Variants in TTN observed in about 807,000 individuals in gnomAD.
TTN encodes the protein connectin.
In TTN, 1,525 loss-of-function variants were observed where a neutral mutation model predicts 3,223.0. That is an observed-to-expected ratio of 0.47 (90% CI 0.45 to 0.49). The LOEUF (loss-of-function observed/expected upper bound fraction) is 0.49, where lower values mean the gene tolerates loss of function less well. Among genes scored for constraint, TTN ranks in the 20% least tolerant of loss-of-function variants. The pLI, the probability that TTN is intolerant of heterozygous loss-of-function variation, is 0.00. For missense variants in TTN, 40,786 were observed against 43,424.0 expected (o/e 0.94, Z 5.40); for synonymous variants, 14,094 against 15,161.0 (o/e 0.93, Z 5.17).
chr2:178,530,104 C>T lies in TTN; in HGVS notation c.106387G>A (p.Gly35463Arg), dbSNP rs1474079403. 1.1e-5 allele frequency: 17 copies of T among 1,601,434 alleles called. No individual in the cohort carries two copies. The highest frequency in any genetic ancestry group is 1.4e-5 in the Non-Finnish European group (16 of 1,176,840). The change falls in exon 359 of 363, where the codon GGA becomes AGA. Residue 35463 changes from glycine to arginine, a missense_variant. Gly to Arg is a moderately radical substitution (Grantham distance 125, BLOSUM62 -2). Transcript: ENST00000589042. Reference protein sequence around the residue: ...WTKDGKAITQGGKYKLSEDKG... With the variant: ...WTKDGKAITQRGKYKLSEDKG... ...TCTTCAGAGAGTTTATATTTACCTC[C>T]TTGTGTAATGGCCTGTAGAATGCAA...
Position 178,724,447 on chromosome 2 carries a change from T to C in TTN, c.20928A>G (p.Glu6976=). The C allele has an allele frequency of 6.2e-7, 1 of 1,613,376 alleles. No homozygotes were observed. The highest frequency in any genetic ancestry group is 8.5e-7 in the Non-Finnish European group (1 of 1,179,522). ...TLECKVAGTP[E]LSVEWYKDGK... Reference sequence around the variant, plus strand: ...CATCCTTGTACCATTCAACAGAGAGTTCCGGAGTGCCAGCCACCTTACACT... The same window carrying C: ...CATCCTTGTACCATTCAACAGAGAGCTCCGGAGTGCCAGCCACCTTACACT... Residue 6976 remains glutamate, a synonymous_variant, in exon 72 of 363, where the codon GAA becomes GAG. Transcript: ENST00000589042.
chr2:178,593,128 A>G (rs146058951), intron 299 of TTN, 45 bp from the exon 300 acceptor site: 4 of 1,609,978 alleles, frequency 2.5e-6, no homozygotes, highest in African/African-American at 1.3e-5. Flanking sequence ...AGCTGAAAAC[A>G]AAGTTAGATA....
At position 178,735,564 on chromosome 2, in the gene TTN, G is replaced by C; in HGVS notation, c.14882C>G (p.Thr4961Arg). The C allele has an allele frequency of 6.2e-7, 1 of 1,611,680 alleles. No individual in the cohort carries two copies. The highest frequency in any genetic ancestry group is 8.5e-7 in the Non-Finnish European group (1 of 1,179,228). Reference sequence around the variant, plus strand: ...GCTGCTTCCAGCCTCATTTGAAGCTGTACAGACATAGGTTCCTGAATCTTT... The same window carrying C: ...GCTGCTTCCAGCCTCATTTGAAGCTCTACAGACATAGGTTCCTGAATCTTT... ...KLKDSGTYVC[T>R]ASNEAGSSSC... The change falls in exon 50 of 363, where the codon ACA becomes AGA. Residue 4961 changes from threonine to arginine, a missense_variant. By Grantham distance (71) the Thr-to-Arg change is moderately conservative (BLOSUM62 -1). Coordinates refer to ENST00000589042, the MANE Select transcript of TTN (RefSeq NM_001267550.2).
intron 68 of TTN, 54 bp from the exon 69 acceptor site, chr2:178,727,425 T>G: frequency 6.6e-7 from 1 of 1,516,636 alleles, no homozygotes; most frequent in South Asian, 1.4e-5. Flanking sequence ...ATAACAATAG[T>G]TAAATTAGAT....
rs2056017011 is a variant in TTN at position 178,610,346 on chromosome 2, G to A, written c.51180C>T (p.Thr17060=). The change falls in exon 271 of 363, where the codon ACC becomes ACT. Residue 17060 remains threonine, a synonymous_variant. Transcript: ENST00000589042. ...CCCAAGTTAACTTACAAGAACTCTT[G>A]GTAATGTCACTTGCTTTAATATCTT... ...PCKDIKASDI[T]KSSCKLTWEP... is the part of the protein sequence containing the mutation. The A allele has an allele frequency of 6.2e-7, 1 of 1,612,720 alleles. No individual in the cohort carries two copies. Among genetic ancestry groups the A allele is most frequent in the Non-Finnish European group, 8.5e-7 (1 of 1,179,158 alleles).
chr2:178,536,822 C>T, intron 356 of TTN, 116 bp downstream of exon 356: 2 of 1,024,352 alleles, frequency 2.0e-6, no homozygotes, highest in Middle Eastern at 3.2e-4. Flanking sequence ...AGAAAAGGCA[C>T]TTGTACTTTA....
chr2:178,563,299 T>G lies in TTN; in HGVS notation c.82833A>C (p.Glu27611Asp). 1 of 1,613,658 alleles carries G rather than the reference T, an allele frequency of 6.2e-7. No homozygotes were observed. Among genetic ancestry groups the G allele is most frequent in the Non-Finnish European group, 8.5e-7 (1 of 1,179,708 alleles). The part of the protein sequence containing the change: ...PVKGYVVEVK[E>D]AAADEWTTCT... Reference sequence around the variant, plus strand: ...AGGTTGTCCATTCATCCGCAGCAGCTTCTTTGACCTCTACAACATAGCCTT... The same window carrying G: ...AGGTTGTCCATTCATCCGCAGCAGCGTCTTTGACCTCTACAACATAGCCTT... Residue 27611 changes from glutamate (E) to aspartate (D), a missense_variant, in exon 326 of 363, where the codon GAA (glutamate) becomes GAC (aspartate). Glu to Asp is a conservative substitution (Grantham distance 45). Coordinates refer to ENST00000589042, the MANE Select transcript of TTN (RefSeq NM_001267550.2). The surrounding 1 kb of genome is among the most constrained non-coding windows in gnomAD (Gnocchi z 4.5).
rs72650008 is a variant in TTN, at chr2:178,704,420, T to C, written c.29963-13A>G. 3,898 of 1,609,418 alleles carry C rather than the reference T, an allele frequency of 2.4e-3. 4 individuals carry two copies. Among genetic ancestry groups the C allele is most frequent in the Non-Finnish European group, 3.0e-3 (3,502 of 1,176,862 alleles). Reference sequence around the variant, plus strand: ...TCCCATGCAGGCTCTGTTCATGTGATACAACACGCATTTTGTTCAATATCA... The same window carrying C: ...TCCCATGCAGGCTCTGTTCATGTGACACAACACGCATTTTGTTCAATATCA... On this transcript the variant is annotated splice_polypyrimidine_tract_variant and intron_variant, in intron 105 of 362. Coordinates refer to ENST00000589042, the MANE Select transcript of TTN (RefSeq NM_001267550.2).
rs2078453702 is a variant in TTN, at chr2:178,722,016, T to G, written c.22647A>C (p.Ser7549=). 6.2e-7 allele frequency: 1 copy of G among 1,613,558 alleles called. No individual in the cohort carries two copies. Among genetic ancestry groups the G allele is most frequent in the African/African-American group, 1.3e-5 (1 of 75,032 alleles). The change falls in exon 78 of 363, where the codon TCA becomes TCC. Residue 7549 remains serine, a synonymous_variant. Coordinates refer to ENST00000589042, the MANE Select transcript of TTN (RefSeq NM_001267550.2). ...CAGGACGGATCTCCTTGTTATCTTT[T>G]GACCAAGTGATTCGCATCGGTTGAG... ...TGAQPMRITW[S]KDNKEIRPGG...
At position 178,534,984 on chromosome 2, in the gene TTN, G is replaced by A; in HGVS notation, c.101631C>T (p.His33877=). 6.2e-7 allele frequency: 1 copy of A among 1,613,590 alleles called. No homozygotes were observed. ...LNIARHRNIL[H]LHESFESMEE... is the part of the protein sequence containing the mutation. ...CCATGCTTTCAAATGATTCATGGAG[G>A]TGTAAGATGTTTCTATGCCTAGCAA... is the stretch of plus-strand genomic sequence containing the variant. The change falls in exon 358 of 363, where the codon CAC becomes CAT. Residue 33877 remains histidine (H), a synonymous_variant. Transcript: ENST00000589042.
chr2:178,677,077 A>T, intron 147 of TTN, 124 bp downstream of exon 147: 2 of 480,950 alleles, frequency 4.2e-6, no homozygotes, highest in Non-Finnish European at 6.1e-6. Flanking sequence ...ACATCGTTAG[A>T]AGTAAATATG....
intron 43 of TTN, among the ~76,000 whole-genome samples, chr2:178,763,237 T>G (rs1452468626): frequency 3.2e-4 from 49 of 152,186 alleles, no homozygotes. Context: ...TCTACCAAGA[T>G]CAGATTCCTG....
intron 41 of TTN, 141 bp downstream of exon 41, chr2:178,766,240 G>A (rs1214737448): frequency 8.3e-6 from 6 of 718,840 alleles, no homozygotes; most frequent in Non-Finnish European, 1.2e-5. Context: ...TAGATATAAT[G>A]TGAAAAAAAA....
rs774883034 is a variant in TTN at position 178,739,688 on chromosome 2, C to G, written c.13545G>C (p.Lys4515Asn). The G allele has an allele frequency of 1.9e-6, 3 of 1,613,892 alleles. No individual in the cohort carries two copies. The highest frequency in any genetic ancestry group is 2.5e-6 in the Non-Finnish European group (3 of 1,179,840). The change falls in exon 48 of 363, where the codon AAG (lysine) becomes AAC (asparagine). Residue 4515 changes from lysine (K) to asparagine (N), a missense_variant. By Grantham distance (94) the Lys-to-Asn change is moderately conservative. Transcript: ENST00000589042. Reference sequence around the variant, plus strand: ...CTTCTGGTTCAGTAATGGGTTCAACCTTCTGTGAACCTGAAAAAGAATCCA... The same window carrying G: ...CTTCTGGTTCAGTAATGGGTTCAACGTTCTGTGAACCTGAAAAAGAATCCA... The part of the protein sequence containing the change: ...EEMDSFSGSQ[K>N]VEPITEPEVE...
rs1173824558 is a variant in TTN, at chr2:178,534,446, C to T, written c.102169G>A (p.Glu34057Lys). Residue 34057 changes from glutamate to lysine, a missense_variant, in exon 358 of 363, where the codon GAG (glutamate) becomes AAG (lysine). Coordinates refer to ENST00000589042, the MANE Select transcript of TTN (RefSeq NM_001267550.2). ...GATGCTGTCATGCGAGATTTCCTCTCTTTCACTAACAACCGGTCAACAAAA... is the reference window on the plus strand; with the variant it reads ...GATGCTGTCATGCGAGATTTCCTCTTTTTCACTAACAACCGGTCAACAAAA... Reference protein sequence around the residue: ...MDFVDRLLVKERKSRMTASEA... With the variant: ...MDFVDRLLVKKRKSRMTASEA... The T allele has an allele frequency of 6.2e-7, 1 of 1,613,034 alleles. No individual in the cohort carries two copies. Among genetic ancestry groups the T allele is most frequent in the South Asian group, 1.1e-5 (1 of 91,082 alleles).
intron 168 of TTN, 126 bp from the exon 169 acceptor site, chr2:178,664,224 A>G (rs2065438209): frequency 1.0e-5 from 10 of 980,452 alleles, no homozygotes; most frequent in Admixed American, 2.9e-5. Context: ...ACAAGTTCCC[A>G]TAATAGGTGG....
At position 178,586,677 on chromosome 2, in the gene TTN, T is replaced by C. The variant is rs370236860; in HGVS notation, c.64224A>G (p.Glu21408=). Reference sequence around the variant, plus strand: ...CTGTCCAGCGATCTGCAGGCTGCTCTTCTTCTCTGTAACTAGTGATGTAGC... The same window carrying C: ...CTGTCCAGCGATCTGCAGGCTGCTCCTCTTCTCTGTAACTAGTGATGTAGC... ...IDGYITSYRE[E]EQPADRWTEY... The change falls in exon 308 of 363, where the codon GAA becomes GAG. Residue 21408 remains glutamate, a synonymous_variant. Coordinates refer to ENST00000589042, the MANE Select transcript of TTN (RefSeq NM_001267550.2). 8.1e-6 allele frequency: 13 copies of C among 1,613,080 alleles called. No individual in the cohort carries two copies. In the East Asian group the frequency reaches 2.5e-4, roughly 30 times the overall value.
intron 349 of TTN, 55 bp downstream of exon 349, chr2:178,542,209 T>G (rs1015169404): frequency 6.6e-7 from 1 of 1,506,622 alleles, no homozygotes; most frequent in African/African-American, 1.4e-5. Context: ...AATTCTTTTT[T>G]GTTAACATTC....
chr2:178,688,739 A>C lies in TTN; in HGVS notation c.32135T>G (p.Phe10712Cys). 1 of 1,613,738 alleles carries C rather than the reference A, an allele frequency of 6.2e-7. No homozygotes were observed. Among genetic ancestry groups the C allele is most frequent in the South Asian group, 1.1e-5 (1 of 91,078 alleles). Residue 10712 changes from phenylalanine (F) to cysteine (C), a missense_variant, in exon 126 of 363, where the codon TTT becomes TGT. Physicochemically the swap from Phe to Cys is radical, Grantham distance 205. Transcript: ENST00000589042. ...GAAGGATAGTTTTTCTTCAGCAACAAATCTCTTTTCTTCTACAACAGTTTT... is the reference window on the plus strand; with the variant it reads ...GAAGGATAGTTTTTCTTCAGCAACACATCTCTTTTCTTCTACAACAGTTTT... ...SKKTVVEEKR[F>C]VAEEKLSFAV...
Sources: gnomAD v4.1 joint callset for allele counts (sites outside exome capture counted in the v4.1 genomes callset) on GRCh38, gnomAD v4.1.1 for gene constraint, Gnocchi (gnomAD v3.1) non-coding constraint, MANE v1.5 for transcripts, NCBI Gene and HGNC (gene_info 2026-07-23, HGNC 2026-07-21) for gene names.